Variants in PXDNL observed in about 807,000 individuals in gnomAD.
PXDNL encodes peroxidasin like, also known as probable oxidoreductase PXDNL.
Under a neutral mutation model 150.8 loss-of-function variants are expected in PXDNL, and 145 were observed. The ratio of observed to expected loss-of-function variants is 0.96; its 90% CI spans 0.84 to 1.10. PXDNL has a LOEUF of 1.10. Ranked by LOEUF, PXDNL falls within the 50% of genes least tolerant of loss-of-function variation. The pLI, the probability that PXDNL is intolerant of heterozygous loss-of-function variation, is 0.00. For missense variants in PXDNL, 2,087 were observed against 1,873.9 expected (o/e 1.11, Z -2.10); for synonymous variants, 757 against 725.7 (o/e 1.04, Z -0.69).
chr8:51,319,950 T>C lies in PXDNL; in HGVS notation c.4333A>G (p.Thr1445Ala). Reference sequence around the variant, plus strand: ...CGGTCTCTGCAAACTGGACAGCAGGTTCCTTTCACCAATTCAGGACTGGGA... The same window carrying C: ...CGGTCTCTGCAAACTGGACAGCAGGCTCCTTTCACCAATTCAGGACTGGGA... ...PCPSPELVKGTCCPVCRDRGM... is the reference protein window; with the variant it reads ...PCPSPELVKGACCPVCRDRGM... The change falls in exon 23 of 23, where the codon ACC becomes GCC. Residue 1445 changes from threonine to alanine, a missense_variant. Thr to Ala is a moderately conservative substitution (Grantham distance 58). Coordinates refer to ENST00000356297, the MANE Select transcript of PXDNL (RefSeq NM_144651.5). 4 of 1,579,846 alleles carry C rather than the reference T, an allele frequency of 2.5e-6. No homozygotes were observed. The highest frequency in any genetic ancestry group is 3.4e-6 in the Non-Finnish European group (4 of 1,164,114).
At chr8:51,430,354 C>T (rs1809220696) in intron 12 of PXDNL, among the ~76,000 whole-genome samples, 1 of 152,182 alleles carries the variant, frequency 6.6e-6, no homozygotes, top group African/African-American at 2.4e-5. Flanking sequence ...TCCAATCCTT[C>T]AGGATGAATC....
intron 21 of PXDNL, among the ~76,000 whole-genome samples, chr8:51,332,349 C>T (rs1299228738): frequency 6.6e-6 from 1 of 152,226 alleles, no homozygotes; most frequent in African/African-American, 2.4e-5. Context: ...CCTAGACCTT[C>T]CCTCTGACAG....
intron 1 of PXDNL, among the ~76,000 whole-genome samples, chr8:51,746,517 A>T (rs2036986131): frequency 6.6e-6 from 1 of 152,120 alleles, no homozygotes; most frequent in Admixed American, 6.6e-5. Context: ...AAGGAGGGGA[A>T]ACTGAGCATC....
At chr8:51,391,687 T>C (rs1365606014) in intron 17 of PXDNL, among the ~76,000 whole-genome samples, 2 of 152,214 alleles carry the variant, frequency 1.3e-5, no homozygotes, top group Middle Eastern at 3.2e-3. Context: ...ATTTTGTATG[T>C]TGCCTGTTCA....
At chr8:51,574,857 G>A (rs1813016751) in intron 3 of PXDNL, among the ~76,000 whole-genome samples, 1 of 151,934 alleles carries the variant, frequency 6.6e-6, no homozygotes, top group Non-Finnish European at 1.5e-5. Context: ...CTCAGATGAG[G>A]GGAAATCAAG....
rs113611170 is a variant in PXDNL at position 51,433,733 on chromosome 8, TG to T, written c.1526-6976del. 5.5e-3 allele frequency among the ~76,000 whole-genome samples: 834 copies of T among 152,302 alleles called. 9 individuals are homozygous for T. Among genetic ancestry groups the T allele is most frequent in the African/African-American group, 0.019 (804 of 41,578 alleles). On this transcript the variant is annotated intron_variant, in intron 12 of 22. Coordinates refer to ENST00000356297, the MANE Select transcript of PXDNL (RefSeq NM_144651.5). ...TACTTTACTATTTACCCTTAGTATC[TG>T]TGGCATTTATACTTACGAGCCTGAA...
chr8:51,573,909 T>C (rs975713923), intron 3 of PXDNL, among the ~76,000 whole-genome samples: 2 of 151,814 alleles, frequency 1.3e-5, no homozygotes, highest in African/African-American at 2.4e-5. Flanking sequence ...TCGAAGAAAA[T>C]GAGATTAGGA....
At chr8:51,366,693 C>A (rs1328571644) in intron 19 of PXDNL, among the ~76,000 whole-genome samples, 3 of 152,160 alleles carry the variant, frequency 2.0e-5, no homozygotes, top group Admixed American at 6.5e-5. Context: ...GCCCTCTGTA[C>A]AGTAGGACCT....
intron 3 of PXDNL, among the ~76,000 whole-genome samples, chr8:51,580,431 G>A (rs372115714): frequency 6.6e-6 from 1 of 152,126 alleles, no homozygotes; most frequent in Non-Finnish European, 1.5e-5. Flanking sequence ...TGAAATGAAT[G>A]AATAAGTTAA....
rs1054482518 is a variant in PXDNL, at chr8:51,408,821, G to A, written c.2803C>T (p.Pro935Ser). The change falls in exon 17 of 23, where the codon CCC (proline) becomes TCC (serine). Residue 935 changes from proline (P) to serine (S), a missense_variant. Physicochemically the swap from Pro to Ser is moderately conservative, Grantham distance 74. Transcript: ENST00000356297. ...PWPPSGKPLL[P>S]FSTGPPTECA... ...TCGGTGGGTGGGCCTGTAGAAAAGG[G>A]CAATAAGGGCTTTCCGGAGGGAGGC... The A allele has an allele frequency of 2.5e-6, 4 of 1,570,658 alleles. No individual in the cohort carries two copies. In the African/African-American group the frequency reaches 5.4e-5, roughly 21 times the overall value.
intron 20 of PXDNL, among the ~76,000 whole-genome samples, chr8:51,340,638 A>G (rs1209922131): frequency 1.3e-5 from 2 of 152,238 alleles, no homozygotes; most frequent in Non-Finnish European, 2.9e-5. Flanking sequence ...GTCATAAATC[A>G]GAGACATAGT....
intron 20 of PXDNL, 106 bp downstream of exon 20, chr8:51,345,727 T>C: frequency 1.6e-6 from 1 of 620,158 alleles, no homozygotes; most frequent in Non-Finnish European, 2.8e-6. Context: ...ATCCTATATG[T>C]AAATAAGTTA....
At chr8:51,789,919 T>C (rs1428375319) in intron 1 of PXDNL, among the ~76,000 whole-genome samples, 4 of 152,210 alleles carry the variant, frequency 2.6e-5, no homozygotes, top group African/African-American at 7.2e-5. Flanking sequence ...GCCCTAAATA[T>C]ATATGCAAAA....
intron 1 of PXDNL, among the ~76,000 whole-genome samples, chr8:51,746,579 T>G (rs969663861): frequency 6.6e-6 from 1 of 152,092 alleles, no homozygotes; most frequent in Non-Finnish European, 1.5e-5. Flanking sequence ...AACAGATAAG[T>G]CCCCCTCAAA....
At chr8:51,634,146 T>C (rs1466503855) in intron 2 of PXDNL, among the ~76,000 whole-genome samples, 1 of 152,178 alleles carries the variant, frequency 6.6e-6, no homozygotes, top group Non-Finnish European at 1.5e-5. Flanking sequence ...TTTGAGCTAA[T>C]TTTTTTATAC....
At chr8:51,354,264 T>G (rs1201566662) in intron 19 of PXDNL, among the ~76,000 whole-genome samples, 1 of 152,140 alleles carries the variant, frequency 6.6e-6, no homozygotes, top group Non-Finnish European at 1.5e-5. Flanking sequence ...CTAATTTTTA[T>G]CATTTATCAT....
At chr8:51,635,095 A>G (rs544579462) in intron 2 of PXDNL, among the ~76,000 whole-genome samples, 13 of 152,158 alleles carry the variant, frequency 8.5e-5, no homozygotes, top group African/African-American at 3.1e-4. Context: ...CCCATCCAGT[A>G]TGATGTCAGA....
At chr8:51,533,939 G>A (rs1295901698) in intron 4 of PXDNL, among the ~76,000 whole-genome samples, 2 of 151,096 alleles carry the variant, frequency 1.3e-5, no homozygotes, top group African/African-American at 4.9e-5. Flanking sequence ...TCTCTGCCTG[G>A]CCCCCCATCG....
Position 51,487,377 on chromosome 8 carries a change from T to G in PXDNL, c.453-3663A>C, listed in dbSNP as rs377365502. Among the ~76,000 whole-genome samples, 2 of 151,834 alleles carry G rather than the reference T, an allele frequency of 1.3e-5. 1 individual carries two copies. Among genetic ancestry groups the G allele is most frequent in the African/African-American group, 4.8e-5 (2 of 41,406 alleles). On this transcript the variant is annotated intron_variant, in intron 5 of 22. Coordinates refer to ENST00000356297, the MANE Select transcript of PXDNL (RefSeq NM_144651.5). The stretch of plus-strand genomic sequence containing the variant: ...TCCAGGAGACTTTTGAGAAGTAGAG[T>G]TAAAGTCATATTCAGCTCCTACTCC...
Sources: gnomAD v4.1 joint callset for allele counts (sites outside exome capture counted in the v4.1 genomes callset) on GRCh38, gnomAD v4.1.1 for gene constraint, MANE v1.5 for transcripts, NCBI Gene and HGNC (gene_info 2026-07-23, HGNC 2026-07-21) for gene names.